The following CRACD variants were observed in gnomAD, a reference collection of about 807,000 sequenced individuals.
CRACD encodes the protein capping protein-inhibiting regulator of actin dynamics.
CRACD carries 56 observed loss-of-function variants against 106.8 expected under a neutral mutation model. The ratio of observed to expected loss-of-function variants is 0.52; its 90% CI spans 0.42 to 0.66. The LOEUF is 0.66. Ranked by LOEUF, CRACD falls within the 30% of genes least tolerant of loss-of-function variation. The probability of loss-of-function intolerance (pLI) is 0.00; values close to 1 mark genes in which losing one functional copy is unlikely to be tolerated. For synonymous variants in CRACD, 754 were observed against 670.8 expected, an observed-to-expected ratio of 1.12 and a Z score of -1.92; for missense variants, 1,730 against 1,623.2, an observed-to-expected ratio of 1.07 and a Z score of -1.13.
At chr4:56,284,556 C>G (rs1743223260) in intron 3 of CRACD, among the ~76,000 whole-genome samples, 1 of 152,028 alleles carries the variant, frequency 6.6e-6, no homozygotes, top group Non-Finnish European at 1.5e-5. Context: ...GAAACCCCAT[C>G]TCTACTAAAA....
At chr4:56,242,129 T>A (rs13121570) in intron 2 of CRACD, among the ~76,000 whole-genome samples, 44,718 of 152,056 alleles carry the variant, frequency 0.29, 7,073 homozygotes, top group Middle Eastern at 0.46. Context: ...AAAGAAATTC[T>A]GTACAGATTT....
At chr4:56,155,573 T>C (rs1735740672) in intron 1 of CRACD, among the ~76,000 whole-genome samples, 1 of 152,198 alleles carries the variant, frequency 6.6e-6, no homozygotes, top group African/African-American at 2.4e-5. Flanking sequence ...CCCATAACTA[T>C]CCTATCAGGT....
At chr4:56,191,296 A>G (rs1737357867) in intron 2 of CRACD, among the ~76,000 whole-genome samples, 1 of 152,058 alleles carries the variant, frequency 6.6e-6, no homozygotes, top group Non-Finnish European at 1.5e-5. Context: ...TTCAGCTTCT[A>G]GAGGCCACCT....
chr4:56,165,425 A>G (rs149594002), intron 1 of CRACD, among the ~76,000 whole-genome samples: 2,543 of 152,310 alleles, frequency 0.017, 29 homozygotes, highest in Admixed American at 0.042. Context: ...ACCATTGATT[A>G]TTAATAATGA....
chr4:56,262,093 T>C (rs755236436), intron 2 of CRACD, among the ~76,000 whole-genome samples: 9 of 152,180 alleles, frequency 5.9e-5, no homozygotes, highest in Non-Finnish European at 1.0e-4. Context: ...GTCAGATGGT[T>C]AAGAAATACA....
intron 2 of CRACD, among the ~76,000 whole-genome samples, chr4:56,242,650 T>C (rs1740435635): frequency 6.6e-6 from 1 of 152,100 alleles, no homozygotes; most frequent in African/African-American, 2.4e-5. Context: ...GCAGAGGCGA[T>C]GGGAGGTCAA....
intron 2 of CRACD, among the ~76,000 whole-genome samples, chr4:56,232,759 C>T (rs1739707454): frequency 7.0e-6 from 1 of 143,342 alleles, no homozygotes; most frequent in Non-Finnish European, 1.5e-5. Flanking sequence ...GAGTCTCACT[C>T]TGTCACCCAG....
chr4:56,299,846 C>CAAAA (rs60808205), intron 4 of CRACD, among the ~76,000 whole-genome samples: 1 of 136,502 alleles, frequency 7.3e-6, no homozygotes, highest in Non-Finnish European at 1.6e-5. Context: ...AATAAACGAG[C>CAAAA]AAAAAAAAAA....
chr4:56,320,207 A>C (rs1338608610), intron 8 of CRACD, among the ~76,000 whole-genome samples: 6 of 151,808 alleles, frequency 4.0e-5, no homozygotes, highest in Admixed American at 3.9e-4. Flanking sequence ...TAACGTACTT[A>C]GGGTGGATAA....
rs149244110 is a variant in CRACD at position 56,103,867 on chromosome 4, G to A, written c.-336+54568G>A. ...ACAATCTCAGCTCACTGCAATCTCC[G>A]CCTCCTGGGTTCAAGTGATTCTCCT... On this transcript the variant is annotated intron_variant, in intron 1 of 10. Transcript: ENST00000682029. Among the ~76,000 whole-genome samples the A allele has an allele frequency of 4.4e-3, 667 of 152,242 alleles. 6 individuals are homozygous for A. The highest frequency in any genetic ancestry group is 0.015 in the African/African-American group (615 of 41,532).
chr4:56,230,466 G>C (rs1739555695), intron 2 of CRACD, among the ~76,000 whole-genome samples: 1 of 152,182 alleles, frequency 6.6e-6, no homozygotes, highest in Non-Finnish European at 1.5e-5. Flanking sequence ...ACAGGGCATT[G>C]TTCCTACTCA....
intron 2 of CRACD, among the ~76,000 whole-genome samples, chr4:56,238,487 C>T (rs1388170815): frequency 1.3e-5 from 2 of 152,216 alleles, no homozygotes; most frequent in African/African-American, 4.8e-5. Context: ...CCTTCCACCA[C>T]AGTCACAGGC....
At chr4:56,245,561 A>C (rs1440574385) in intron 2 of CRACD, among the ~76,000 whole-genome samples, 1 of 152,212 alleles carries the variant, frequency 6.6e-6, no homozygotes, top group African/African-American at 2.4e-5. Context: ...CATTTCCTGC[A>C]CTGACTTTAA....
chr4:56,307,117 T>C (rs965047923), intron 4 of CRACD, among the ~76,000 whole-genome samples: 20 of 152,236 alleles, frequency 1.3e-4, no homozygotes, highest in African/African-American at 4.8e-4. Flanking sequence ...CCTCAGTGGT[T>C]CCTACATTTC....
chr4:56,129,938 A>G (rs1734773257), intron 1 of CRACD, among the ~76,000 whole-genome samples: 1 of 152,334 alleles, frequency 6.6e-6, no homozygotes, highest in Admixed American at 6.5e-5. Context: ...GGATTTCAGC[A>G]GAACATAACT....
intron 1 of CRACD, among the ~76,000 whole-genome samples, chr4:56,059,228 A>G (rs1732186484): frequency 6.6e-6 from 1 of 151,848 alleles, no homozygotes; most frequent in Non-Finnish European, 1.5e-5. Flanking sequence ...ACTTGAGCCT[A>G]GGAGTTTGAG....
chr4:56,079,570 C>G (rs1020785958), intron 1 of CRACD, among the ~76,000 whole-genome samples: 2 of 151,778 alleles, frequency 1.3e-5, no homozygotes, highest in Non-Finnish European at 2.9e-5. Flanking sequence ...CTCAGCTTCC[C>G]GAGTAGCTGG....
chr4:56,222,447 A>T (rs1321066747), intron 2 of CRACD, among the ~76,000 whole-genome samples: 2 of 152,212 alleles, frequency 1.3e-5, no homozygotes, highest in African/African-American at 4.8e-5. Flanking sequence ...GGTGTATGCT[A>T]CTTGGGTAAG....
At chr4:56,248,740 A>C (rs1451878814) in intron 2 of CRACD, among the ~76,000 whole-genome samples, 2 of 95,982 alleles carry the variant, frequency 2.1e-5, no homozygotes, top group Admixed American at 2.7e-4. Context: ...CCCACCCCAC[A>C]ACAGTCCCCA....
Sources: allele counts gnomAD v4.1 joint callset (sites outside exome capture counted in the v4.1 genomes callset), GRCh38; gene constraint gnomAD v4.1.1; transcripts MANE v1.5; gene names NCBI Gene and HGNC (gene_info 2026-07-23, HGNC 2026-07-21).